LRRC4C: variants seen among roughly 807,000 people sequenced by gnomAD.
LRRC4C encodes leucine rich repeat containing 4C.
LRRC4C carries 5 observed loss-of-function variants against 33.6 expected under a neutral mutation model. That is an observed-to-expected ratio of 0.15 (90% CI 0.08 to 0.31). The LOEUF (loss-of-function observed/expected upper bound fraction) is 0.31, where lower values mean the gene tolerates loss of function less well. Ranked by LOEUF, LRRC4C falls within the 10% of genes least tolerant of loss-of-function variation. The probability of loss-of-function intolerance (pLI) is 1.00; values close to 1 mark genes in which losing one functional copy is unlikely to be tolerated. For synonymous variants in LRRC4C, 329 were observed against 302.0 expected (o/e 1.09, Z -0.93); for missense variants, 560 against 796.7 (o/e 0.70, Z 3.58).
intron 2 of LRRC4C, among the ~76,000 whole-genome samples, chr11:40,875,403 C>T (rs1244765701): frequency 6.6e-6 from 1 of 152,112 alleles, no homozygotes. Flanking sequence ...AAAATGAACA[C>T]TGTCAAGATC....
In LRRC4C at chr11:41,411,142, A is replaced by ATTTTTTTTTTTTTTTTTTTTTTTTTTTT. The variant is rs370574515; in HGVS notation, c.-496+48288_-496+48289insAAAAAAAAAAAAAAAAAAAAAAAAAAAA. ...ATGAGAAACACTTGGTTGGTACCCTATTTTTTTTTTTTTTTTTTTTTTTTG... is the reference window on the plus strand; with the variant it reads ...ATGAGAAACACTTGGTTGGTACCCTATTTTTTTTTTTTTTTTTTTTTTTTTTTTTTTTTTTTTTTTTTTTTTTTTTTTG... On this transcript the variant is annotated intron_variant, in intron 1 of 6. Coordinates refer to ENST00000528697, the MANE Select transcript of LRRC4C (RefSeq NM_001258419.2). 3.1e-3 allele frequency among the ~76,000 whole-genome samples: 176 copies of ATTTTTTTTTTTTTTTTTTTTTTTTTTTT among 57,180 alleles called. 26 individuals carry two copies. Among genetic ancestry groups the ATTTTTTTTTTTTTTTTTTTTTTTTTTTT allele is most frequent in the African/African-American group, 4.8e-3 (41 of 8,606 alleles). 37.5% of individuals were successfully genotyped at this position (57,180 alleles called of 152,430 possible).
chr11:41,293,907 AAC>A (rs149900481), intron 1 of LRRC4C, among the ~76,000 whole-genome samples: 6,912 of 152,174 alleles, frequency 0.045, 201 homozygotes, highest in South Asian at 0.074. Flanking sequence ...AATGTTATTA[AAC>A]ACAGCAATAT....
At chr11:41,408,639 T>C (rs568500114) in intron 1 of LRRC4C, among the ~76,000 whole-genome samples, 1 of 152,124 alleles carries the variant, frequency 6.6e-6, no homozygotes, top group Admixed American at 6.5e-5. Context: ...AATGATTGCT[T>C]TTACAATGAT....
chr11:40,698,387 C>G (rs1565647748), intron 2 of LRRC4C, among the ~76,000 whole-genome samples: 1 of 152,128 alleles, frequency 6.6e-6, no homozygotes, highest in African/African-American at 2.4e-5. Flanking sequence ...CTTCTCTATA[C>G]TAGCAATCAT....
intron 1 of LRRC4C, among the ~76,000 whole-genome samples, chr11:41,199,103 A>G (rs1450693442): frequency 1.3e-5 from 2 of 152,152 alleles, no homozygotes; most frequent in East Asian, 1.9e-4. Flanking sequence ...TGTATCAGCT[A>G]TCATATATAC....
chr11:41,142,125 T>TTTTA (rs1555087481), intron 1 of LRRC4C, among the ~76,000 whole-genome samples: 2 of 151,876 alleles, frequency 1.3e-5, no homozygotes, highest in African/African-American at 2.4e-5. Flanking sequence ...TTTCTTGCCA[T>TTTTA]TATATATATA....
chr11:40,686,220 C>A (rs778525138), intron 2 of LRRC4C, among the ~76,000 whole-genome samples: 8 of 151,938 alleles, frequency 5.3e-5, no homozygotes, highest in Non-Finnish European at 8.8e-5. Flanking sequence ...CAGTATCTAC[C>A]ATTGATTTGT....
intron 4 of LRRC4C, among the ~76,000 whole-genome samples, chr11:40,309,772 G>T (rs943123068): frequency 6.6e-6 from 1 of 152,148 alleles, no homozygotes. Context: ...CTCCCAAAAT[G>T]CTGGGATGAC....
chr11:40,800,038 A>G (rs1393597712), intron 2 of LRRC4C, among the ~76,000 whole-genome samples: 2 of 152,224 alleles, frequency 1.3e-5, no homozygotes, highest in African/African-American at 4.8e-5. Context: ...AAAAGAGGGA[A>G]AAAGAACAAT....
At chr11:40,709,031 C>A (rs547459414) in intron 2 of LRRC4C, among the ~76,000 whole-genome samples, 35 of 151,030 alleles carry the variant, frequency 2.3e-4, no homozygotes, top group Non-Finnish European at 4.4e-4. Context: ...GCAACCTCTG[C>A]TTTTTTTTTG....
intron 3 of LRRC4C, among the ~76,000 whole-genome samples, chr11:40,570,159 T>C (rs2135558876): frequency 6.6e-6 from 1 of 152,222 alleles, no homozygotes; most frequent in South Asian, 2.1e-4. Context: ...TAGGAAAACA[T>C]GTACCAAAAT....
intron 1 of LRRC4C, among the ~76,000 whole-genome samples, chr11:40,960,107 G>T (rs1850872709): frequency 6.7e-6 from 1 of 149,386 alleles, no homozygotes; most frequent in Non-Finnish European, 1.5e-5. Flanking sequence ...AAGGAAAAGA[G>T]GGAAGAAAGA....
At chr11:40,789,049 C>A (rs1212300999) in intron 2 of LRRC4C, among the ~76,000 whole-genome samples, 3 of 143,728 alleles carry the variant, frequency 2.1e-5, no homozygotes, top group Non-Finnish European at 4.5e-5. Context: ...GCCGAGATCG[C>A]GCCACTGCGC....
At chr11:40,456,174 C>T (rs886970776) in intron 3 of LRRC4C, among the ~76,000 whole-genome samples, 3 of 152,078 alleles carry the variant, frequency 2.0e-5, no homozygotes, top group African/African-American at 7.2e-5. Context: ...CTCTTTAGCT[C>T]CTCTTTAGCA....
chr11:41,387,752 C>T (rs148365671), intron 1 of LRRC4C, among the ~76,000 whole-genome samples: 6 of 151,838 alleles, frequency 4.0e-5, no homozygotes, highest in East Asian at 2.0e-4. Context: ...AGACACCACC[C>T]GACACCCATA....
At chr11:40,307,909 C>A (rs903405982) in intron 4 of LRRC4C, among the ~76,000 whole-genome samples, 1 of 152,182 alleles carries the variant, frequency 6.6e-6, no homozygotes, top group Non-Finnish European at 1.5e-5. Context: ...ATTATTCATG[C>A]AACTGCCTTA....
At chr11:41,280,616 T>C (rs1039541117) in intron 1 of LRRC4C, among the ~76,000 whole-genome samples, 1 of 152,212 alleles carries the variant, frequency 6.6e-6, no homozygotes, top group Non-Finnish European at 1.5e-5. Flanking sequence ...TGCTATACGA[T>C]GCAGGTTTTA....
At chr11:40,338,137 G>A (rs898532874) in intron 3 of LRRC4C, among the ~76,000 whole-genome samples, 1 of 152,130 alleles carries the variant, frequency 6.6e-6, no homozygotes, top group Non-Finnish European at 1.5e-5. Context: ...CATGGAACTA[G>A]TACAACTCGA....
intron 2 of LRRC4C, among the ~76,000 whole-genome samples, chr11:40,748,828 G>T (rs1948550530): frequency 6.6e-6 from 1 of 152,008 alleles, no homozygotes; most frequent in Non-Finnish European, 1.5e-5. Flanking sequence ...AACAAGAATA[G>T]CTATACATAT....
Sources: allele counts gnomAD v4.1 joint callset (sites outside exome capture counted in the v4.1 genomes callset), GRCh38; gene constraint gnomAD v4.1.1; transcripts MANE v1.5; gene names NCBI Gene and HGNC (gene_info 2026-07-23, HGNC 2026-07-21).